CELSR1: variants seen among roughly 807,000 people sequenced by gnomAD.
CELSR1 encodes the protein adhesion G protein-coupled receptor C1.
Under a neutral mutation model 249.1 loss-of-function variants are expected in CELSR1, and 110 were observed. That is an observed-to-expected ratio of 0.44 (90% CI 0.38 to 0.52). The LOEUF is 0.52. CELSR1 is among the 20% of genes least tolerant of loss of function. The pLI, the probability that CELSR1 is intolerant of heterozygous loss-of-function variation, is 0.00. For synonymous variants in CELSR1, 2,113 were observed against 1,900.0 expected, an observed-to-expected ratio of 1.11 and a Z score of -2.92; for missense variants, 4,109 against 4,296.4, an observed-to-expected ratio of 0.96 and a Z score of 1.22.
Position 46,396,538 on chromosome 22 carries a change from A to C in CELSR1, c.5843+67T>G, listed in dbSNP as rs2079149364. 1 of 1,403,638 alleles carries C rather than the reference A, an allele frequency of 7.1e-7. No homozygotes were observed. Among genetic ancestry groups the C allele is most frequent in the African/African-American group, 1.5e-5 (1 of 67,404 alleles). The allele number at this position is 1,403,638 out of a possible 1,614,324, so 86.9% of individuals were successfully genotyped here. ...TGGGTCAAAATAAGAAAGAGAAGACACTGAGTCGAGGGAACACAGCCACAT... is the reference window on the plus strand; with the variant it reads ...TGGGTCAAAATAAGAAAGAGAAGACCCTGAGTCGAGGGAACACAGCCACAT... On this transcript the variant is annotated intron_variant, in intron 13 of 34. Coordinates refer to ENST00000674500, the MANE Select transcript of CELSR1 (RefSeq NM_001378328.1). This position sits in a 1 kb window ranked among gnomAD's most constrained non-coding sequence, Gnocchi z 6.4.
At chr22:46,510,483 C>G (rs2080562129) in intron 1 of CELSR1, among the ~76,000 whole-genome samples, 1 of 152,198 alleles carries the variant, frequency 6.6e-6, no homozygotes, top group Non-Finnish European at 1.5e-5. Context: ...GTAAGGGCCC[C>G]ATGAGGTGCC....
intron 5 of CELSR1, among the ~76,000 whole-genome samples, chr22:46,426,392 T>A (rs2079538356): frequency 6.6e-6 from 1 of 152,032 alleles, no homozygotes; most frequent in Non-Finnish European, 1.5e-5. Flanking sequence ...AGGCTGCGAG[T>A]CCAAAATCAA....
intron 3 of CELSR1, among the ~76,000 whole-genome samples, 172 bp downstream of exon 3, chr22:46,439,017 C>T (rs2079702518): frequency 6.6e-6 from 1 of 152,188 alleles, no homozygotes. Context: ...CTCGGCCTCC[C>T]AAAGTGCTGG....
Position 46,427,504 on chromosome 22 carries a change from C to T in CELSR1, c.4611+5889G>A, listed in dbSNP as rs965622656. ...GTGAGCCAAGACAGCAACAAAGGCG[C>T]CTGGGCGACAGAGCGGGACTCCATC... On this transcript the variant is annotated intron_variant, in intron 5 of 34. Transcript: ENST00000674500. This position sits in a 1 kb window ranked among gnomAD's most constrained non-coding sequence, Gnocchi z 4.2. 1.1e-4 allele frequency among the ~76,000 whole-genome samples: 16 copies of T among 152,084 alleles called. No homozygotes were observed. The highest frequency in any genetic ancestry group is 3.9e-4 in the African/African-American group (16 of 41,392).
intron 25 of CELSR1, 101 bp downstream of exon 25, chr22:46,372,782 T>C (rs184260626): frequency 7.9e-5 from 111 of 1,411,012 alleles, no homozygotes; most frequent in South Asian, 1.6e-4. Context: ...TGGACAAGCA[T>C]TGGGGCTGGG....
At position 46,398,516 on chromosome 22, in the gene CELSR1, C is replaced by T. The variant is rs2079175755; in HGVS notation, c.5526+8G>A. 2.5e-6 allele frequency: 4 copies of T among 1,599,590 alleles called. No individual in the cohort carries two copies. In the Admixed American group the frequency reaches 6.9e-5, roughly 27 times the overall value. On this transcript the variant is annotated splice_region_variant and intron_variant, in intron 11 of 34. Transcript: ENST00000674500. This position sits in a 1 kb window ranked among gnomAD's most constrained non-coding sequence, Gnocchi z 7.2. The stretch of plus-strand genomic sequence containing the variant: ...GGCCTCCCCCCGCCCCCCACAACCC[C>T]CACGCACCTGCATGCAGCCTCGGAA...
chr22:46,379,312 G>GACACACCTGT (rs1480521030), intron 22 of CELSR1, among the ~76,000 whole-genome samples: 1 of 152,142 alleles, frequency 6.6e-6, no homozygotes, highest in African/African-American at 2.4e-5. Flanking sequence ...GTGTGTCTCA[G>GACACACCTGT]CTTCAGACAG....
chr22:46,365,303 T>C lies in CELSR1; in HGVS notation c.8482A>G (p.Ser2828Gly). The C allele has an allele frequency of 1.9e-6, 3 of 1,612,970 alleles. No homozygotes were observed. Among genetic ancestry groups the C allele is most frequent in the Middle Eastern group, 1.7e-4 (1 of 6,060 alleles). The change falls in exon 32 of 35, where the codon AGC (serine) becomes GGC (glycine). Residue 2828 changes from serine to glycine, a missense_variant. Physicochemically the swap from Ser to Gly is moderately conservative, Grantham distance 56. Coordinates refer to ENST00000674500, the MANE Select transcript of CELSR1 (RefSeq NM_001378328.1). ...TCAGCTCCCACCCCATCGTCCTCGC[T>C]GTCTGACGAGTGTGAGGAGGCGTAA... ...SSYASSHSSDSEDDGVGAEEK... is the reference protein window; with the variant it reads ...SSYASSHSSDGEDDGVGAEEK...
chr22:46,495,431 T>C (rs1259855851), intron 1 of CELSR1, among the ~76,000 whole-genome samples: 3 of 152,244 alleles, frequency 2.0e-5, no homozygotes, highest in African/African-American at 7.2e-5. Context: ...GACTGGAAGT[T>C]GCCCTGGGTA....
chr22:46,521,304 C>T (rs1422855633), intron 1 of CELSR1, among the ~76,000 whole-genome samples: 7 of 152,048 alleles, frequency 4.6e-5, no homozygotes, highest in Admixed American at 1.3e-4. Flanking sequence ...GAGATCGAGA[C>T]CATCCTGCCT....
intron 1 of CELSR1, among the ~76,000 whole-genome samples, chr22:46,515,489 A>G (rs570958362): frequency 6.4e-4 from 98 of 152,342 alleles, no homozygotes; most frequent in Non-Finnish European, 1.1e-3. Flanking sequence ...AAAGCATGAC[A>G]GTCTGTGTCT....
At chr22:46,516,964 G>A (rs2080634469) in intron 1 of CELSR1, among the ~76,000 whole-genome samples, 1 of 152,192 alleles carries the variant, frequency 6.6e-6, no homozygotes, top group African/African-American at 2.4e-5. Context: ...GCAAAGCCAT[G>A]GGATGCCCTT....
chr22:46,503,625 C>T (rs1357547812), intron 1 of CELSR1, among the ~76,000 whole-genome samples: 1 of 152,228 alleles, frequency 6.6e-6, no homozygotes, highest in Non-Finnish European at 1.5e-5. Context: ...CCTACGGGGT[C>T]AGTATTACTG....
intron 3 of CELSR1, among the ~76,000 whole-genome samples, chr22:46,438,244 C>T (rs1203783488): frequency 1.3e-5 from 2 of 152,168 alleles, no homozygotes; most frequent in African/African-American, 2.4e-5. Context: ...GGATGAGAGG[C>T]AGCTGGGAAC....
At chr22:46,369,888 A>C (rs763486977) in intron 25 of CELSR1, 84 bp from the exon 26 acceptor site, 3 of 1,151,872 alleles carry the variant, frequency 2.6e-6, no homozygotes, top group Non-Finnish European at 3.9e-6. Flanking sequence ...GGGTGGGGTG[A>C]AATGGGGGAC....
rs956445304 is a variant in CELSR1 at position 46,394,530 on chromosome 22, T to C, written c.5844-268A>G. Among the ~76,000 whole-genome samples the C allele has an allele frequency of 4.6e-5, 7 of 152,220 alleles. No homozygotes were observed. In the East Asian group the frequency reaches 9.6e-4, roughly 21 times the overall value. Reference sequence around the variant, plus strand: ...CCACGTCCACATGATGCCTGACTCATTGGGGCTTAATGACAATGAACCCCC... The same window carrying C: ...CCACGTCCACATGATGCCTGACTCACTGGGGCTTAATGACAATGAACCCCC... On this transcript the variant is annotated intron_variant, in intron 13 of 34. Transcript: ENST00000674500.
At chr22:46,425,825 A>C (rs1315534957) in intron 5 of CELSR1, among the ~76,000 whole-genome samples, 3 of 151,200 alleles carry the variant, frequency 2.0e-5, no homozygotes, top group Non-Finnish European at 3.0e-5. Context: ...CTTTGGGTTT[A>C]TTTTGTTCTT....
At position 46,441,075 on chromosome 22, in the gene CELSR1, C is replaced by A. The variant is rs757036064; in HGVS notation, c.4184-1664G>T. ...GGCTGAGGCAGGAGAACTGCTTCAA[C>A]CCGGGAGGCGGAGGTTGTAGCGAGC... On this transcript the variant is annotated intron_variant, in intron 2 of 34. Transcript: ENST00000674500. This position sits in a 1 kb window ranked among gnomAD's most constrained non-coding sequence, Gnocchi z 6.1. Among the ~76,000 whole-genome samples the A allele has an allele frequency of 1.3e-5, 2 of 151,858 alleles. No individual in the cohort carries two copies. Among genetic ancestry groups the A allele is most frequent in the East Asian group, 3.9e-4 (2 of 5,180 alleles).
rs757685961 is a variant in CELSR1 at position 46,380,798 on chromosome 22, G to A, written c.7246C>T (p.His2416Tyr). The change falls in exon 22 of 35, where the codon CAC becomes TAC. Residue 2416 changes from histidine to tyrosine, a missense_variant. Physicochemically the swap from His to Tyr is moderately conservative, Grantham distance 83 (BLOSUM62 2). Coordinates refer to ENST00000674500, the MANE Select transcript of CELSR1 (RefSeq NM_001378328.1). This position sits in a 1 kb window ranked among gnomAD's most constrained non-coding sequence, Gnocchi z 5.1. ...TGGCGTCACACTTACGCCAGGGAGTGGTTCCAGAACACGCAGACAGGCTTG... is the reference window on the plus strand; with the variant it reads ...TGGCGTCACACTTACGCCAGGGAGTAGTTCCAGAACACGCAGACAGGCTTG... ...RTKPVCVFWN[H>Y]SLAVGGTGGW... 7.4e-6 allele frequency: 12 copies of A among 1,612,564 alleles called. No individual in the cohort carries two copies. Among genetic ancestry groups the A allele is most frequent in the Non-Finnish European group, 1.0e-5 (12 of 1,179,652 alleles).
Sources: allele counts gnomAD v4.1 joint callset (sites outside exome capture counted in the v4.1 genomes callset), GRCh38; gene constraint gnomAD v4.1.1; non-coding constraint Gnocchi (gnomAD v3.1); transcripts MANE v1.5; gene names NCBI Gene and HGNC (gene_info 2026-07-23, HGNC 2026-07-21).